Variants in RFX3 observed in about 807,000 individuals in gnomAD.
The protein encoded by RFX3 is regulatory factor X3.
RFX3 carries 14 observed loss-of-function variants against 98.6 expected under a neutral mutation model. The ratio of observed to expected loss-of-function variants is 0.14; its 90% CI spans 0.09 to 0.22. The LOEUF (loss-of-function observed/expected upper bound fraction) is 0.22. Ranked by LOEUF, RFX3 falls within the 10% of genes least tolerant of loss-of-function variation. RFX3 has a pLI of 1.00. For missense variants in RFX3, 639 were observed against 926.9 expected, an observed-to-expected ratio of 0.69 and a Z score of 4.03; for synonymous variants, 383 against 328.4, an observed-to-expected ratio of 1.17 and a Z score of -1.80.
intron 2 of RFX3, chr9:3,394,813 G>A: frequency 1.0e-6 from 1 of 984,598 alleles, no homozygotes; most frequent in Non-Finnish European, 1.2e-6. Flanking sequence ...ACAGGCCAGT[G>A]TGTTCACAAT....
chr9:3,327,345 G>T (rs1832035144), intron 4 of RFX3, among the ~76,000 whole-genome samples: 1 of 152,122 alleles, frequency 6.6e-6, no homozygotes, highest in South Asian at 2.1e-4. Flanking sequence ...AGTAACAGAT[G>T]TGAAACTGTA....
At chr9:3,391,744 A>T (rs1178281321) in intron 2 of RFX3, among the ~76,000 whole-genome samples, 1 of 152,132 alleles carries the variant, frequency 6.6e-6, no homozygotes, top group Non-Finnish European at 1.5e-5. Flanking sequence ...ACAGCAATCC[A>T]ATTTTTGTTT....
Position 3,248,116 on chromosome 9 carries a change from T to G in RFX3, c.1884A>C (p.Leu628=). ...ASFGSFHLIR[L]LYDEYMFYLV... is the part of the protein sequence containing the mutation. ...AGTAAAACATATATTCGTCGTAGAGTAGACGGATCAGGTGGAAGGAGCCAA... is the reference window on the plus strand; with the variant it reads ...AGTAAAACATATATTCGTCGTAGAGGAGACGGATCAGGTGGAAGGAGCCAA... The change falls in exon 15 of 17, where the codon CTA becomes CTC. Residue 628 remains leucine, a synonymous_variant. Transcript: ENST00000617270. 6.2e-7 allele frequency: 1 copy of G among 1,613,852 alleles called. No individual in the cohort carries two copies. Among genetic ancestry groups the G allele is most frequent in the African/African-American group, 1.3e-5 (1 of 75,016 alleles).
At chr9:3,417,717 C>A (rs969952038) in intron 1 of RFX3, among the ~76,000 whole-genome samples, 4 of 151,996 alleles carry the variant, frequency 2.6e-5, no homozygotes, top group Admixed American at 6.6e-5. Context: ...AACAGTTTTA[C>A]AAGTGAACAA....
intron 2 of RFX3, among the ~76,000 whole-genome samples, chr9:3,359,240 GC>G (rs2131358211): frequency 6.6e-6 from 1 of 152,188 alleles, no homozygotes; most frequent in East Asian, 1.9e-4. Context: ...AACCAAAAAA[GC>G]GAAAGTATCT....
At chr9:3,464,144 T>C (rs1406499208) in intron 1 of RFX3, among the ~76,000 whole-genome samples, 1 of 152,136 alleles carries the variant, frequency 6.6e-6, no homozygotes, top group Admixed American at 6.5e-5. Context: ...GAACTGTTAA[T>C]ACCAAGTGTT....
At chr9:3,426,451 T>G (rs1844041980) in intron 1 of RFX3, among the ~76,000 whole-genome samples, 1 of 152,078 alleles carries the variant, frequency 6.6e-6, no homozygotes, top group Admixed American at 6.5e-5. Flanking sequence ...CTCAACTGTC[T>G]GTGGAACCCA....
intron 6 of RFX3, among the ~76,000 whole-genome samples, chr9:3,291,366 C>A (rs1347862286): frequency 6.6e-6 from 1 of 150,494 alleles, no homozygotes; most frequent in African/African-American, 2.5e-5. Flanking sequence ...AGCGAGAATC[C>A]TTCTCAAAAA....
intron 2 of RFX3, among the ~76,000 whole-genome samples, chr9:3,356,496 G>T (rs367660343): frequency 6.6e-6 from 1 of 151,782 alleles, no homozygotes; most frequent in South Asian, 2.1e-4. Context: ...ATTTATTCCC[G>T]CAGAGGAAAC....
At chr9:3,356,723 C>A (rs935137993) in intron 2 of RFX3, among the ~76,000 whole-genome samples, 2 of 151,940 alleles carry the variant, frequency 1.3e-5, no homozygotes, top group Middle Eastern at 3.4e-3. Context: ...ATGCAAAAAT[C>A]TTTAACAAAA....
chr9:3,522,562 T>C (rs910112220), intron 1 of RFX3, among the ~76,000 whole-genome samples: 1 of 140,512 alleles, frequency 7.1e-6, no homozygotes, highest in African/African-American at 3.1e-5. Flanking sequence ...TGTGCGTGTG[T>C]GTGTGTGTGT....
In RFX3 at chr9:3,361,756, T is replaced by A. The variant is rs181641262; in HGVS notation, c.118-14992A>T. Among the ~76,000 whole-genome samples the A allele has an allele frequency of 7.9e-5, 12 of 151,348 alleles. No individual in the cohort carries two copies. The East Asian group carries it at 2.3e-3, about 29-fold the overall frequency. ...GGAGCCCAGCAGTTTAAGACCAGCC[T>A]AGACAACATAGGGAGACCCTGCCTC... On this transcript the variant is annotated intron_variant, in intron 2 of 16. Transcript: ENST00000617270.
chr9:3,239,204 C>T (rs974547428), intron 15 of RFX3, among the ~76,000 whole-genome samples: 3 of 152,170 alleles, frequency 2.0e-5, no homozygotes, highest in Non-Finnish European at 4.4e-5. Flanking sequence ...CATGGTTTTG[C>T]AAGCGAGGAA....
At chr9:3,282,550 G>A (rs552732697) in intron 7 of RFX3, among the ~76,000 whole-genome samples, 4 of 151,846 alleles carry the variant, frequency 2.6e-5, no homozygotes, top group African/African-American at 9.6e-5. Context: ...AGAGAGCACC[G>A]ACAATGTGCT....
intron 13 of RFX3, among the ~76,000 whole-genome samples, chr9:3,258,779 T>C (rs1008945414): frequency 6.6e-6 from 1 of 151,804 alleles, no homozygotes; most frequent in African/African-American, 2.4e-5. Flanking sequence ...CACATGCATA[T>C]AGAAATAATT....
chr9:3,283,413 G>A (rs1021495235), intron 7 of RFX3, among the ~76,000 whole-genome samples: 2 of 151,490 alleles, frequency 1.3e-5, no homozygotes, highest in Non-Finnish European at 3.0e-5. Flanking sequence ...TTTTGCAGAT[G>A]AAGAAACTGA....
chr9:3,372,550 C>CTTTCT (rs1837977455), intron 2 of RFX3, among the ~76,000 whole-genome samples: 1 of 135,676 alleles, frequency 7.4e-6, no homozygotes, highest in African/African-American at 2.6e-5. Flanking sequence ...TTCTTTCTTT[C>CTTTCT]TTTTTTTTTT....
At chr9:3,371,013 T>G (rs1192848040) in intron 2 of RFX3, among the ~76,000 whole-genome samples, 1 of 152,150 alleles carries the variant, frequency 6.6e-6, no homozygotes, top group African/African-American at 2.4e-5. Context: ...GATGAATCCT[T>G]TTTTAAAAAA....
At chr9:3,241,218 T>C (rs1819873202) in intron 15 of RFX3, among the ~76,000 whole-genome samples, 2 of 45,896 alleles carry the variant, frequency 4.4e-5, no homozygotes, top group Admixed American at 3.9e-4. Flanking sequence ...GGTCTAGGAG[T>C]TTTTTGTTTT....
Sources: gnomAD v4.1 joint callset for allele counts (sites outside exome capture counted in the v4.1 genomes callset) on GRCh38, gnomAD v4.1.1 for gene constraint, MANE v1.5 for transcripts, NCBI Gene and HGNC (gene_info 2026-07-23, HGNC 2026-07-21) for gene names.